KDM4A: variants seen among roughly 807,000 people sequenced by gnomAD.
KDM4A encodes the protein lysine demethylase 4A.
KDM4A carries 23 observed loss-of-function variants against 127.1 expected under a neutral mutation model. The ratio of observed to expected loss-of-function variants is 0.18; its 90% confidence interval spans 0.13 to 0.26. The LOEUF (loss-of-function observed/expected upper bound fraction) is 0.26, where lower values mean the gene tolerates loss of function less well. Among genes scored for constraint, KDM4A ranks in the 10% least tolerant of loss-of-function variants. The pLI is 1.00. For missense variants in KDM4A, 890 were observed against 1,329.1 expected, an observed-to-expected ratio of 0.67 and a Z score of 5.14; for synonymous variants, 443 against 466.5, an observed-to-expected ratio of 0.95 and a Z score of 0.65.
At chr1:43,684,718 T>G (rs2154048136) in intron 12 of KDM4A, among the ~76,000 whole-genome samples, 1 of 152,280 alleles carries the variant, frequency 6.6e-6, no homozygotes, top group Middle Eastern at 3.4e-3. Context: ...TTACTGGCAT[T>G]CAGGAGCCAG....
intron 18 of KDM4A, among the ~76,000 whole-genome samples, chr1:43,697,018 A>C (rs1570875490): frequency 6.6e-6 from 1 of 152,236 alleles, no homozygotes; most frequent in Non-Finnish European, 1.5e-5. Flanking sequence ...GATAAAAATT[A>C]AGTCAGATAA....
chr1:43,703,789 G>C, intron 20 of KDM4A, 53 bp downstream of exon 20: 2 of 1,608,428 alleles, frequency 1.2e-6, no homozygotes, highest in Non-Finnish European at 1.7e-6. Flanking sequence ...TTAATTCTGT[G>C]CTTCCTGTTG....
chr1:43,670,586 C>A (rs1219529733), intron 10 of KDM4A, among the ~76,000 whole-genome samples: 1 of 112,536 alleles, frequency 8.9e-6, no homozygotes, highest in African/African-American at 3.7e-5. Context: ...TTTTTTGAGA[C>A]GGAGTCTCAC....
At chr1:43,692,137 C>CA (rs1229432335) in intron 15 of KDM4A, 119 bp from the exon 16 acceptor site, 1 of 905,924 alleles carries the variant, frequency 1.1e-6, no homozygotes, top group African/African-American at 1.6e-5. Flanking sequence ...TGAAGCCCCA[C>CA]ATGCTATTAT....
intron 13 of KDM4A, among the ~76,000 whole-genome samples, chr1:43,689,626 G>A (rs1661063878): frequency 6.6e-6 from 1 of 152,086 alleles, no homozygotes; most frequent in Admixed American, 6.5e-5. Flanking sequence ...TGTGCCTCCT[G>A]CTCTGGGGCA....
intron 1 of KDM4A, among the ~76,000 whole-genome samples, chr1:43,652,649 C>G (rs1490208942): frequency 6.6e-6 from 1 of 151,250 alleles, no homozygotes; most frequent in Non-Finnish European, 1.5e-5. Flanking sequence ...ACACCCCCAC[C>G]CTAAATTACT....
intron 11 of KDM4A, 67 bp from the exon 12 acceptor site, chr1:43,683,617 G>C: frequency 6.5e-7 from 1 of 1,545,594 alleles, no homozygotes; most frequent in Non-Finnish European, 8.8e-7. Context: ...GGTTTTCATT[G>C]TAAGGGTGAC....
Position 43,698,132 on chromosome 1 carries a change from T to C in KDM4A, c.2841+119T>C, listed in dbSNP as rs866471787. On this transcript the variant is annotated intron_variant, in intron 19 of 21. Coordinates refer to ENST00000372396, the MANE Select transcript of KDM4A (RefSeq NM_014663.3). ...AGCCAGGTCCCTGGTCCCATCACCA[T>C]GTCCTCAAACAGAAAGAATCATCTG... 3.3e-6 allele frequency: 3 copies of C among 908,170 alleles called. No homozygotes were observed. The Middle Eastern group carries it at 6.7e-4, about 203-fold the overall frequency. The allele number at this position is 908,170 out of a possible 1,614,324, so 56.3% of individuals were successfully genotyped here.
chr1:43,671,415 C>T (rs1177050428), intron 10 of KDM4A, 90 bp from the exon 11 acceptor site: 2 of 1,389,998 alleles, frequency 1.4e-6, no homozygotes, highest in Admixed American at 2.5e-5. Flanking sequence ...CATTCCCCGC[C>T]CATGTTCCTT....
intron 13 of KDM4A, among the ~76,000 whole-genome samples, chr1:43,689,510 A>G (rs1389260326): frequency 2.0e-5 from 3 of 152,142 alleles, no homozygotes; most frequent in Non-Finnish European, 2.9e-5. Context: ...TTCCTTTCCC[A>G]TTGCCACAAT....
chr1:43,684,502 C>CA (rs548105760), intron 12 of KDM4A, among the ~76,000 whole-genome samples: 88 of 149,326 alleles, frequency 5.9e-4, no homozygotes, highest in African/African-American at 1.9e-3. Flanking sequence ...GATGCCATCT[C>CA]AAAAAAAAAC....
chr1:43,658,118 T>C (rs1348321740), intron 3 of KDM4A, among the ~76,000 whole-genome samples: 1 of 150,906 alleles, frequency 6.6e-6, no homozygotes, highest in Non-Finnish European at 1.5e-5. Flanking sequence ...TTGCCCAGGC[T>C]GGAGTGCAGT....
In KDM4A at chr1:43,705,281, T is replaced by G; in HGVS notation, c.*911T>G. On this transcript the variant is annotated 3_prime_UTR_variant, in exon 22 of 22. Coordinates refer to ENST00000372396, the MANE Select transcript of KDM4A (RefSeq NM_014663.3). Reference sequence around the variant, plus strand: ...CCACTGTAGGTGGGAGGGAGCTGATTTTGGGGTGGGGGGTGGGACTAGAGG... The same window carrying G: ...CCACTGTAGGTGGGAGGGAGCTGATGTTGGGGTGGGGGGTGGGACTAGAGG... 3.0e-5 allele frequency: 3 copies of G among 98,870 alleles called. No homozygotes were observed. Among genetic ancestry groups the G allele is most frequent in the Middle Eastern group, 7.9e-3 (1 of 126 alleles). The allele number at this position is 98,870 out of a possible 1,614,324, so 6.1% of individuals were successfully genotyped here.
intron 19 of KDM4A, among the ~76,000 whole-genome samples, chr1:43,701,390 A>G (rs765811009): frequency 1.3e-5 from 2 of 152,232 alleles, no homozygotes; most frequent in Admixed American, 6.5e-5. Flanking sequence ...TTTCCTTGAC[A>G]TGACAGGCGT....
chr1:43,667,802 T>C lies in KDM4A; in HGVS notation c.946T>C (p.Ser316Pro), dbSNP rs1318638770. 1.2e-6 allele frequency: 2 copies of C among 1,614,176 alleles called. No homozygotes were observed. The highest frequency in any genetic ancestry group is 2.2e-5 in the South Asian group (2 of 91,084). ...CSCRKDMVKI[S>P]MDVFVRKFQP... is the part of the protein sequence containing the mutation. ...CTGTAGAAAGGACATGGTGAAGATC[T>C]CCATGGATGTGTTTGTGAGAAAGTT... Residue 316 changes from serine (S) to proline (P), a missense_variant, in exon 9 of 22, where the codon TCC (serine) becomes CCC (proline). Ser to Pro is a moderately conservative substitution (Grantham distance 74). Coordinates refer to ENST00000372396, the MANE Select transcript of KDM4A (RefSeq NM_014663.3).
At chr1:43,703,990 C>T (rs1376143210) in intron 20 of KDM4A, 30 bp from the exon 21 acceptor site, 2 of 1,594,032 alleles carry the variant, frequency 1.3e-6, no homozygotes, top group South Asian at 1.1e-5. Context: ...CAGGGATATC[C>T]TAGCCAAAAG....
intron 4 of KDM4A, among the ~76,000 whole-genome samples, chr1:43,662,562 A>G (rs1319675174): frequency 6.6e-6 from 1 of 152,198 alleles, no homozygotes; most frequent in African/African-American, 2.4e-5. Flanking sequence ...AGCCAAGATC[A>G]TGCCACTGCA....
Position 43,693,901 on chromosome 1 carries a change from G to A in KDM4A, c.2376-93G>A. The A allele has an allele frequency of 2.1e-6, 2 of 965,336 alleles. No homozygotes were observed. The highest frequency in any genetic ancestry group is 1.9e-5 in the Admixed American group (1 of 51,332). 59.8% of individuals were successfully genotyped at this position (965,336 alleles called of 1,614,324 possible). A position where few individuals can be genotyped will look rare whatever the true frequency, so the allele number is the denominator to read the frequency against. On this transcript the variant is annotated intron_variant, in intron 16 of 21. Transcript: ENST00000372396. This position sits in a 1 kb window ranked among gnomAD's most constrained non-coding sequence, Gnocchi z 4.2. Reference sequence around the variant, plus strand: ...GCTGGTGGAAGTCAGTGGTCACCCAGGTGAGGGAGGAAGCGCTGTCAGCAG... The same window carrying A: ...GCTGGTGGAAGTCAGTGGTCACCCAAGTGAGGGAGGAAGCGCTGTCAGCAG...
In KDM4A at chr1:43,667,088, G is replaced by T. The variant is rs1221033439; in HGVS notation, c.912G>T (p.Val304=). 1 of 1,614,004 alleles carries T rather than the reference G, an allele frequency of 6.2e-7. No homozygotes were observed. Among genetic ancestry groups the T allele is most frequent in the Non-Finnish European group, 8.5e-7 (1 of 1,180,024 alleles). The part of the protein sequence containing the change: ...RRWIEYGKQA[V]LCSCRKDMVK... ...GGATTGAGTACGGCAAGCAAGCTGT[G>T]CTGGTAAGTCTGCTTGATTTCTTTC... is the stretch of plus-strand genomic sequence containing the variant. The change falls in exon 8 of 22, where the codon GTG becomes GTT. Residue 304 remains valine (V), a synonymous_variant. Transcript: ENST00000372396.
Sources: allele counts gnomAD v4.1 joint callset (sites outside exome capture counted in the v4.1 genomes callset), GRCh38; gene constraint gnomAD v4.1.1; non-coding constraint Gnocchi (gnomAD v3.1); transcripts MANE v1.5; gene names NCBI Gene and HGNC (gene_info 2026-07-23, HGNC 2026-07-21).